Variants in SPATA7 observed in about 807,000 individuals in gnomAD.
SPATA7 encodes the protein spermatogenesis-associated protein 7.
A neutral mutation model predicts 51.8 loss-of-function variants in SPATA7; 43 were observed. That is an observed-to-expected ratio of 0.83 (90% confidence interval 0.65 to 1.07). The LOEUF (loss-of-function observed/expected upper bound fraction) is 1.07. SPATA7 is among the 50% of genes least tolerant of loss of function. SPATA7 has a pLI of 0.00. For synonymous variants in SPATA7, 230 were observed against 252.8 expected (o/e 0.91, Z 0.86); for missense variants, 683 against 701.3 (o/e 0.97, Z 0.30).
At chr14:88,415,502 T>A (rs563469223) in intron 4 of SPATA7, among the ~76,000 whole-genome samples, 4,126 of 151,762 alleles carry the variant, frequency 0.027, 180 homozygotes, top group African/African-American at 0.095. Context: ...TGTTTTTTTT[T>A]AAATAAAATA....
intron 4 of SPATA7, among the ~76,000 whole-genome samples, chr14:88,406,070 C>A (rs2076192113): frequency 6.6e-6 from 1 of 152,000 alleles, no homozygotes; most frequent in Admixed American, 6.6e-5. Context: ...TATGATTTTT[C>A]ATTATAATGA....
chr14:88,455,033 A>C (rs1466391452), intron 3 of SPATA7: 1 of 455,784 alleles, frequency 2.2e-6, no homozygotes. Context: ...ATCTGGGTCA[A>C]GGCTCAAGAA....
At chr14:88,463,053 GCAGA>G (rs976178607) in intron 4 of SPATA7, among the ~76,000 whole-genome samples, 4 of 152,116 alleles carry the variant, frequency 2.6e-5, no homozygotes, top group Non-Finnish European at 4.4e-5. Flanking sequence ...AATATGATGT[GCAGA>G]CAGACCTTAA....
rs1327943187 is a variant in SPATA7, at chr14:88,469,425, G to A, written c.255-422G>A. On this transcript the variant is annotated intron_variant, in intron 4 of 4. Transcript: ENST00000556406. This position sits in a 1 kb window ranked among gnomAD's most constrained non-coding sequence, Gnocchi z 4.3. ...TGAGATAACATAAAGGAAATATTTCGGAAACATAAATGTTCCTCTCTGTTT... is the reference window on the plus strand; with the variant it reads ...TGAGATAACATAAAGGAAATATTTCAGAAACATAAATGTTCCTCTCTGTTT... 21 of 1,279,564 alleles carry A rather than the reference G, an allele frequency of 1.6e-5. No individual in the cohort carries two copies. The highest frequency in any genetic ancestry group is 1.6e-4 in the East Asian group (7 of 43,034). The allele number at this position is 1,279,564 out of a possible 1,614,324, so 79.3% of individuals were successfully genotyped here.
At position 88,469,856 on chromosome 14, in the gene SPATA7, C is replaced by G; in HGVS notation, c.265C>G (p.Pro89Ala). The change falls in exon 5 of 5, where the codon CCA becomes GCA. Residue 89 changes from proline (P) to alanine (A), a missense_variant. Pro to Ala is a conservative substitution (Grantham distance 27, BLOSUM62 -1). Coordinates refer to the SPATA7 transcript ENST00000556406. The surrounding 1 kb of genome is among the most constrained non-coding windows in gnomAD (Gnocchi z 4.3). ...GCCTTTTTCTCCACAGGTCAGGATT[C>G]CAGATGATTAACATTAACTGTTCTT... 1 of 1,609,312 alleles carries G rather than the reference C, an allele frequency of 6.2e-7. No individual in the cohort carries two copies. The highest frequency in any genetic ancestry group is 8.5e-7 in the Non-Finnish European group (1 of 1,175,922).
chr14:88,432,931 G>T lies in SPATA7; in HGVS notation c.1083-204G>T, dbSNP rs2076979883. 8 of 541,460 alleles carry T rather than the reference G, an allele frequency of 1.5e-5. No homozygotes were observed. In the South Asian group the frequency reaches 1.9e-4, roughly 13 times the overall value. 33.5% of individuals were successfully genotyped at this position (541,460 alleles called of 1,614,324 possible). On this transcript the variant is annotated intron_variant, in intron 9 of 11. Coordinates refer to ENST00000393545, the MANE Select transcript of SPATA7 (RefSeq NM_018418.5). ...TATCTGTGAAATTTTACTCTATTAG[G>T]TCATCACCTTTAGTAAATATTTATC...
At chr14:88,439,945 A>G (rs2077166427), downstream of SPATA7, among the ~76,000 whole-genome samples, 1 of 152,018 alleles carries the variant, frequency 6.6e-6, no homozygotes. Flanking sequence ...AACACCGTCT[A>G]TCCCCTCTTG....
chr14:88,406,943 C>CT (rs1290061109), intron 4 of SPATA7, among the ~76,000 whole-genome samples: 1 of 152,092 alleles, frequency 6.6e-6, no homozygotes, highest in Non-Finnish European at 1.5e-5. Flanking sequence ...TGAACTCATT[C>CT]TTTTTTATGG....
In SPATA7 at chr14:88,426,614, T is replaced by G. The variant is rs758990216; in HGVS notation, c.755T>G (p.Phe252Cys). The change falls in exon 6 of 12, where the codon TTC becomes TGC. Residue 252 changes from phenylalanine to cysteine, a missense_variant. Phe to Cys is a radical substitution (Grantham distance 205, BLOSUM62 -2). Transcript: ENST00000393545. ...PRTLKTEAKS[F>C]LSQYRYYTPA... ...ACTTTAAAAACAGAAGCAAAATCTT[T>G]CCTGTCACAGTATCGCTATTATACA... 2.5e-6 allele frequency: 4 copies of G among 1,613,906 alleles called. No homozygotes were observed. Among genetic ancestry groups the G allele is most frequent in the Middle Eastern group, 1.6e-4 (1 of 6,084 alleles).
At position 88,391,366 on chromosome 14, in the gene SPATA7, T is replaced by C. The variant is rs1365170460; in HGVS notation, c.20-15T>C. On this transcript the variant is annotated splice_polypyrimidine_tract_variant and intron_variant, in intron 1 of 11. Transcript: ENST00000393545. ...TCATTTATCCTAATTTATGATTTTTTTTTCTTGTTAAAAGTCAGAGCAACC... is the reference window on the plus strand; with the variant it reads ...TCATTTATCCTAATTTATGATTTTTCTTTCTTGTTAAAAGTCAGAGCAACC... The C allele has an allele frequency of 6.2e-7, 1 of 1,606,914 alleles. No individual in the cohort carries two copies. The highest frequency in any genetic ancestry group is 1.7e-5 in the Admixed American group (1 of 59,922).
At chr14:88,445,015 T>A (rs542184461) in intron 3 of SPATA7, among the ~76,000 whole-genome samples, 6 of 152,194 alleles carry the variant, frequency 3.9e-5, no homozygotes, top group Middle Eastern at 3.4e-3. Flanking sequence ...TTTCCAGTTC[T>A]GTGAAGAAAG....
rs1376411825 is a variant in SPATA7, at chr14:88,391,383, A to G, written c.22A>G (p.Arg8Gly). MDGSRRV[R>G]ATSVLPRYGP... ...TGATTTTTTTTTCTTGTTAAAAGTCAGAGCAACCTCTGTCCTTCCCAGATA... is the reference window on the plus strand; with the variant it reads ...TGATTTTTTTTTCTTGTTAAAAGTCGGAGCAACCTCTGTCCTTCCCAGATA... The change falls in exon 2 of 12, where the codon AGA (arginine) becomes GGA (glycine). Residue 8 changes from arginine (R) to glycine (G), a missense_variant and splice_region_variant. Physicochemically the swap from Arg to Gly is moderately radical, Grantham distance 125 (BLOSUM62 -2). Transcript: ENST00000393545. The G allele has an allele frequency of 1.9e-6, 3 of 1,612,070 alleles. No homozygotes were observed. The highest frequency in any genetic ancestry group is 2.5e-6 in the Non-Finnish European group (3 of 1,179,056).
At chr14:88,464,782 A>AT (rs2077344411) in intron 4 of SPATA7, among the ~76,000 whole-genome samples, 1 of 152,228 alleles carries the variant, frequency 6.6e-6, no homozygotes, top group South Asian at 2.1e-4. Flanking sequence ...CCATTTCTTT[A>AT]TGCAAATCTC....
Position 88,402,181 on chromosome 14 carries a change from T to C in SPATA7, c.238+5978T>C, listed in dbSNP as rs566077475. Among the ~76,000 whole-genome samples, 261 of 152,320 alleles carry C rather than the reference T, an allele frequency of 1.7e-3. 1 individual carries two copies. Among genetic ancestry groups the C allele is most frequent in the African/African-American group, 5.7e-3 (239 of 41,576 alleles). On this transcript the variant is annotated intron_variant, in intron 4 of 11. Coordinates refer to ENST00000393545, the MANE Select transcript of SPATA7 (RefSeq NM_018418.5). Reference sequence around the variant, plus strand: ...GATAAATGGAAGACATCCATATTTATGAATTGGAATAATTAATATTGTTAT... The same window carrying C: ...GATAAATGGAAGACATCCATATTTACGAATTGGAATAATTAATATTGTTAT...
In SPATA7 at chr14:88,422,905, T is replaced by C. The variant is rs542664203; in HGVS notation, c.373-3327T>C. On this transcript the variant is annotated intron_variant, in intron 5 of 11. Coordinates refer to ENST00000393545, the MANE Select transcript of SPATA7 (RefSeq NM_018418.5). ...TGTTATGGTTAACAGACACCTGTTA[T>C]GGTTATAATTTGTATTCACTGTAAA... 4.6e-5 allele frequency among the ~76,000 whole-genome samples: 7 copies of C among 152,292 alleles called. No homozygotes were observed. In the South Asian group the frequency reaches 1.0e-3, roughly 23 times the overall value.
intron 3 of SPATA7, among the ~76,000 whole-genome samples, chr14:88,448,646 T>C (rs1293041736): frequency 6.6e-6 from 1 of 152,210 alleles, no homozygotes; most frequent in Non-Finnish European, 1.5e-5. Context: ...ATGATGGTGA[T>C]GTACAGATGT....
chr14:88,447,450 T>G (rs1284981888), intron 3 of SPATA7, among the ~76,000 whole-genome samples: 1 of 152,122 alleles, frequency 6.6e-6, no homozygotes, highest in Non-Finnish European at 1.5e-5. Flanking sequence ...TTTGCCAGTC[T>G]GTATATTTTA....
At chr14:88,439,247 A>G (rs112288586), downstream of SPATA7, among the ~76,000 whole-genome samples, 11 of 152,228 alleles carry the variant, frequency 7.2e-5, no homozygotes, top group African/African-American at 2.2e-4. Context: ...CTAAAGCCTC[A>G]AGGACCTTTC....
intron 4 of SPATA7, among the ~76,000 whole-genome samples, chr14:88,401,559 G>A (rs980617447): frequency 2.6e-5 from 4 of 152,066 alleles, no homozygotes; most frequent in Non-Finnish European, 5.9e-5. Context: ...AGTAGAGCTG[G>A]GTGTGGTGGT....
Sources: gnomAD v4.1 joint callset for allele counts (sites outside exome capture counted in the v4.1 genomes callset) on GRCh38, gnomAD v4.1.1 for gene constraint, Gnocchi (gnomAD v3.1) non-coding constraint, MANE v1.5 for transcripts, NCBI Gene and HGNC (gene_info 2026-07-23, HGNC 2026-07-21) for gene names.